CCSER1: variants seen among roughly 807,000 people sequenced by gnomAD.
CCSER1 encodes serine-rich coiled-coil domain-containing protein 1.
In CCSER1, 41 loss-of-function variants were observed where a neutral mutation model predicts 82.0. The ratio of observed to expected loss-of-function variants is 0.50; its 90% CI spans 0.39 to 0.65. CCSER1 has a LOEUF of 0.65. Ranked by LOEUF, CCSER1 falls within the 30% of genes least tolerant of loss-of-function variation. CCSER1 has a pLI of 0.00. For synonymous variants in CCSER1, 414 were observed against 383.9 expected, an observed-to-expected ratio of 1.08 and a Z score of -0.92; for missense variants, 1,119 against 1,064.2, an observed-to-expected ratio of 1.05 and a Z score of -0.72.
chr4:91,406,590 G>A (rs973262653), intron 10 of CCSER1, among the ~76,000 whole-genome samples: 5 of 152,124 alleles, frequency 3.3e-5, no homozygotes, highest in Non-Finnish European at 7.4e-5. Context: ...AAACAGTAGT[G>A]CTAGTTATCG....
chr4:91,155,205 T>C (rs191721187), intron 10 of CCSER1, among the ~76,000 whole-genome samples: 4 of 152,026 alleles, frequency 2.6e-5, no homozygotes, highest in Admixed American at 2.6e-4. Flanking sequence ...CCACGTTTCA[T>C]GGGAGGGACC....
At chr4:90,898,815 A>T (rs1338100339) in intron 8 of CCSER1, among the ~76,000 whole-genome samples, 1 of 150,578 alleles carries the variant, frequency 6.6e-6, no homozygotes, top group Admixed American at 6.6e-5. Context: ...GTGTCTGTTT[A>T]TGTATTGGTA....
At chr4:90,884,698 A>G (rs1721859990) in intron 8 of CCSER1, among the ~76,000 whole-genome samples, 1 of 152,136 alleles carries the variant, frequency 6.6e-6, no homozygotes, top group Non-Finnish European at 1.5e-5. Context: ...ATTTTCTGAT[A>G]ATTTTATTAA....
At chr4:90,466,388 C>T (rs1763652087) in intron 4 of CCSER1, among the ~76,000 whole-genome samples, 5 of 152,160 alleles carry the variant, frequency 3.3e-5, no homozygotes, top group East Asian at 1.9e-4. Context: ...AGTGGTCCCT[C>T]GTCACAACAG....
At chr4:91,348,982 CA>C in intron 10 of CCSER1, among the ~76,000 whole-genome samples, 1 of 152,122 alleles carries the variant, frequency 6.6e-6, no homozygotes, top group Non-Finnish European at 1.5e-5. Context: ...GATCTCGACT[CA>C]CTGCAAGCTC....
intron 10 of CCSER1, among the ~76,000 whole-genome samples, chr4:91,546,371 T>C (rs1257706428): frequency 2.0e-5 from 3 of 152,134 alleles, no homozygotes; most frequent in Admixed American, 1.3e-4. Context: ...TTGATAGAAT[T>C]AGCCAGTTAA....
intron 1 of CCSER1, among the ~76,000 whole-genome samples, chr4:90,188,431 AG>A (rs1389560050): frequency 6.6e-6 from 1 of 151,874 alleles, no homozygotes; most frequent in East Asian, 1.9e-4. Context: ...GTTTAAAAGT[AG>A]GGTTGAATTT....
intron 9 of CCSER1, among the ~76,000 whole-genome samples, chr4:91,028,349 G>A (rs1219531429): frequency 6.6e-6 from 1 of 151,914 alleles, no homozygotes; most frequent in Non-Finnish European, 1.5e-5. Flanking sequence ...TGGAGCTGAT[G>A]AGATCAAATC....
intron 7 of CCSER1, among the ~76,000 whole-genome samples, chr4:90,802,128 G>A (rs1262381514): frequency 1.3e-5 from 2 of 151,624 alleles, no homozygotes; most frequent in African/African-American, 2.4e-5. Context: ...TGAGGCACGA[G>A]AATCGCTTGA....
At chr4:90,386,024 A>G (rs554088371) in intron 3 of CCSER1, among the ~76,000 whole-genome samples, 1 of 152,334 alleles carries the variant, frequency 6.6e-6, no homozygotes, top group South Asian at 2.1e-4. Context: ...AAACAAGTGG[A>G]AAAACATCTC....
chr4:91,221,716 G>A lies in CCSER1; in HGVS notation c.2217+135722G>A, dbSNP rs78361585. On this transcript the variant is annotated intron_variant, in intron 10 of 10. Transcript: ENST00000509176. ...TAAAATTGAGGTTAAAAGATGTTCAGGTTCACTGCCAAGCATTGTGGGTAT... is the reference window on the plus strand; with the variant it reads ...TAAAATTGAGGTTAAAAGATGTTCAAGTTCACTGCCAAGCATTGTGGGTAT... Among the ~76,000 whole-genome samples the A allele has an allele frequency of 4.2e-4, 64 of 152,162 alleles. 4 individuals carry two copies. The East Asian group carries it at 0.012, about 30-fold the overall frequency.
At chr4:90,278,645 A>G (rs1728321750) in intron 1 of CCSER1, among the ~76,000 whole-genome samples, 1 of 151,850 alleles carries the variant, frequency 6.6e-6, no homozygotes, top group Non-Finnish European at 1.5e-5. Flanking sequence ...GGACATAAAG[A>G]TGGGAACAAT....
intron 10 of CCSER1, among the ~76,000 whole-genome samples, chr4:91,175,079 T>C (rs1198315896): frequency 6.6e-6 from 1 of 152,168 alleles, no homozygotes; most frequent in African/African-American, 2.4e-5. Flanking sequence ...GGTGTTTGGT[T>C]TTCTGTCCTT....
intron 9 of CCSER1, among the ~76,000 whole-genome samples, chr4:91,023,664 G>A (rs928546277): frequency 6.6e-6 from 1 of 152,092 alleles, no homozygotes; most frequent in Admixed American, 6.6e-5. Context: ...ATTCAAGTTG[G>A]ATTAAAAGAC....
chr4:90,663,095 A>G (rs1213046631), intron 6 of CCSER1, among the ~76,000 whole-genome samples: 1 of 152,212 alleles, frequency 6.6e-6, no homozygotes, highest in African/African-American at 2.4e-5. Context: ...AGGAAGATAA[A>G]ATAACTTCCC....
At chr4:91,104,911 G>T (rs557229727) in intron 10 of CCSER1, among the ~76,000 whole-genome samples, 5 of 151,970 alleles carry the variant, frequency 3.3e-5, no homozygotes, top group Admixed American at 6.6e-5. Context: ...TTTTCTTTTT[G>T]GTATAAATTC....
intron 5 of CCSER1, among the ~76,000 whole-genome samples, chr4:90,486,161 T>G (rs1014702224): frequency 1.3e-5 from 2 of 152,216 alleles, no homozygotes; most frequent in African/African-American, 2.4e-5. Context: ...TTAAGTACAG[T>G]GGTCCCCACT....
chr4:90,399,405 C>T (rs997277121), intron 3 of CCSER1, among the ~76,000 whole-genome samples: 4 of 152,014 alleles, frequency 2.6e-5, no homozygotes, highest in Non-Finnish European at 4.4e-5. Context: ...CCCATTCTTC[C>T]TGATGTAAAA....
chr4:90,854,808 C>T, intron 8 of CCSER1, among the ~76,000 whole-genome samples: 1 of 151,900 alleles, frequency 6.6e-6, no homozygotes, highest in East Asian at 1.9e-4. Context: ...CTGTATAAAT[C>T]ATTCTCACAC....
Sources: gnomAD v4.1 joint callset for allele counts (sites outside exome capture counted in the v4.1 genomes callset) on GRCh38, gnomAD v4.1.1 for gene constraint, MANE v1.5 for transcripts, NCBI Gene and HGNC (gene_info 2026-07-23, HGNC 2026-07-21) for gene names.